Variants in NINJ2 observed in about 807,000 individuals in gnomAD.
The protein encoded by NINJ2 is ninjurin 2.
In NINJ2, 12 loss-of-function variants were observed where a neutral mutation model predicts 11.7. That is an observed-to-expected ratio of 1.02 (90% CI 0.66 to 1.66). The LOEUF is 1.66. Among genes scored for constraint, NINJ2 ranks in the 40% most tolerant of loss-of-function variants. The pLI is 0.00. For missense variants in NINJ2, 187 were observed against 181.8 expected (o/e 1.03, Z -0.16); for synonymous variants, 93 against 76.8 (o/e 1.21, Z -1.10).
chr12:600,670 G>GTT (rs1947855281), intron 1 of NINJ2, among the ~76,000 whole-genome samples: 1 of 126,552 alleles, frequency 7.9e-6, no homozygotes, highest in Non-Finnish European at 1.8e-5. Flanking sequence ...GTGTGTGTGT[G>GTT]TGTGTGTGTG....
At chr12:564,972 G>A (rs758393343) in intron 3 of NINJ2, among the ~76,000 whole-genome samples, 4 of 152,162 alleles carry the variant, frequency 2.6e-5, no homozygotes, top group East Asian at 1.9e-4. Flanking sequence ...TAATGGCATC[G>A]CCTCCACCCT....
intron 1 of NINJ2, among the ~76,000 whole-genome samples, chr12:656,698 G>A (rs377278662): frequency 6.6e-6 from 1 of 151,156 alleles, no homozygotes; most frequent in Admixed American, 6.6e-5. Flanking sequence ...GCAGTGAGCC[G>A]AGATTGCGCC....
chr12:613,054 C>T (rs1032601956), intron 1 of NINJ2, among the ~76,000 whole-genome samples: 2 of 152,124 alleles, frequency 1.3e-5, no homozygotes, highest in Non-Finnish European at 2.9e-5. Context: ...ATGTCCAAAG[C>T]GTGCAATTCA....
At position 580,576 on chromosome 12, in the gene NINJ2, G is replaced by A. The variant is rs563388046; in HGVS notation, c.34-14398C>T. 4.3e-4 allele frequency among the ~76,000 whole-genome samples: 45 copies of A among 103,818 alleles called. No individual in the cohort carries two copies. The East Asian group carries it at 0.011, about 25-fold the overall frequency. 68.1% of individuals were successfully genotyped at this position (103,818 alleles called of 152,430 possible). ...CACTCCAGCCTGCATGACAGAGAGA[G>A]ACCCTGTCTCAAAAAAAAAAAAATA... On this transcript the variant is annotated intron_variant, in intron 1 of 3. Coordinates refer to ENST00000305108, the MANE Select transcript of NINJ2 (RefSeq NM_016533.6). This position sits in a 1 kb window ranked among gnomAD's most constrained non-coding sequence, Gnocchi z 4.7.
chr12:575,876 T>C (rs1444057137), intron 1 of NINJ2, among the ~76,000 whole-genome samples: 1 of 152,166 alleles, frequency 6.6e-6, no homozygotes, highest in Non-Finnish European at 1.5e-5. Flanking sequence ...CTTTTTCCCC[T>C]AGATCCTGCC....
chr12:570,931 A>T (rs1030395927), intron 1 of NINJ2, among the ~76,000 whole-genome samples: 1 of 152,234 alleles, frequency 6.6e-6, no homozygotes, highest in Non-Finnish European at 1.5e-5. Flanking sequence ...GGCAGAGGCC[A>T]TGGACAGCAG....
intron 1 of NINJ2, among the ~76,000 whole-genome samples, chr12:592,323 C>G (rs192931235): frequency 6.6e-6 from 1 of 152,122 alleles, no homozygotes; most frequent in Non-Finnish European, 1.5e-5. Context: ...GGACCCGTCA[C>G]GGTACATTCT....
rs569702418 is a variant in NINJ2 at position 620,656 on chromosome 12, G to A, written c.33+42672C>T. On this transcript the variant is annotated intron_variant, in intron 1 of 3. Transcript: ENST00000305108. ...TTTGTTTGTTTGTTTTTGAGACAGA[G>A]TCTTACTCTGTCACCCAGGCTGGAG... 1.1e-4 allele frequency among the ~76,000 whole-genome samples: 16 copies of A among 152,086 alleles called. No homozygotes were observed. The South Asian group carries it at 3.3e-3, about 32-fold the overall frequency.
At chr12:611,227 T>TTC (rs1555165020) in intron 1 of NINJ2, among the ~76,000 whole-genome samples, 3 of 143,946 alleles carry the variant, frequency 2.1e-5, no homozygotes, top group East Asian at 2.0e-4. Flanking sequence ...CTTTCTTTCT[T>TTC]TTTCTTTCTT....
intron 1 of NINJ2, chr12:610,338 A>G (rs1247654776): frequency 6.5e-7 from 1 of 1,535,190 alleles, no homozygotes; most frequent in Non-Finnish European, 8.7e-7. Context: ...GGCCAGAGGC[A>G]CACTTACCAT....
At chr12:592,716 A>G (rs1947733522) in intron 1 of NINJ2, among the ~76,000 whole-genome samples, 1 of 152,218 alleles carries the variant, frequency 6.6e-6, no homozygotes, top group African/African-American at 2.4e-5. Flanking sequence ...TTAAAAAAAA[A>G]TCAATTACAA....
At chr12:599,729 C>G (rs978873869) in intron 1 of NINJ2, among the ~76,000 whole-genome samples, 2 of 152,198 alleles carry the variant, frequency 1.3e-5, no homozygotes, top group Admixed American at 6.5e-5. Context: ...TCTGGAAGTG[C>G]GGAGGCCCTC....
intron 1 of NINJ2, among the ~76,000 whole-genome samples, chr12:623,799 T>C (rs1948181939): frequency 6.6e-6 from 1 of 152,200 alleles, no homozygotes; most frequent in Admixed American, 6.5e-5. Flanking sequence ...TCTGGGAGGC[T>C]GAGGCAGAAG....
intron 1 of NINJ2, among the ~76,000 whole-genome samples, chr12:651,363 T>C (rs1937783030): frequency 6.6e-6 from 1 of 152,212 alleles, no homozygotes; most frequent in African/African-American, 2.4e-5. Flanking sequence ...CAGCGCACTC[T>C]AGCTGTCCTG....
rs1431756523 is a variant in NINJ2 at position 591,276 on chromosome 12, A to G, written c.34-25098T>C. On this transcript the variant is annotated intron_variant, in intron 1 of 3. Transcript: ENST00000305108. The surrounding 1 kb of genome is among the most constrained non-coding windows in gnomAD (Gnocchi z 5.0). ...GCAGGGTGTTGGGGCCCCAGTCCTT[A>G]GCAGGGTTCAAGCAGCGGGTGCCAT... is the stretch of plus-strand genomic sequence containing the variant. The G allele has an allele frequency of 2.0e-5, 3 of 152,262 alleles. No individual in the cohort carries two copies. The highest frequency in any genetic ancestry group is 4.4e-5 in the Non-Finnish European group (3 of 68,110). The allele number at this position is 152,262 out of a possible 1,614,324, so 9.4% of individuals were successfully genotyped here. A position where few individuals can be genotyped will look rare whatever the true frequency, so the allele number is the denominator to read the frequency against.
In NINJ2 at chr12:660,574, C is replaced by T. The variant is rs140278401; in HGVS notation, c.33+2754G>A. On this transcript the variant is annotated intron_variant, in intron 1 of 3. Transcript: ENST00000305108. ...CAGGATGGTCTGCAACCCCTGACCT[C>T]GTGATCCGCCCACCTCAGACTCCCA... 4.1e-3 allele frequency among the ~76,000 whole-genome samples: 618 copies of T among 151,978 alleles called. 28 individuals carry two copies. The East Asian group carries it at 0.1, about 25-fold the overall frequency.
intron 1 of NINJ2, 61 bp from the exon 2 acceptor site, chr12:566,239 T>C: frequency 7.2e-7 from 1 of 1,396,302 alleles, no homozygotes; most frequent in Non-Finnish European, 1.0e-6. Flanking sequence ...AGTTGAGAGG[T>C]GGGAGAGAGG....
chr12:608,536 T>C (rs1246721266), intron 1 of NINJ2, among the ~76,000 whole-genome samples: 3 of 152,186 alleles, frequency 2.0e-5, no homozygotes, highest in African/African-American at 7.2e-5. Context: ...ATTACACAAC[T>C]AGCAAATGGC....
At chr12:619,060 G>A (rs1948124461) in intron 1 of NINJ2, among the ~76,000 whole-genome samples, 1 of 152,220 alleles carries the variant, frequency 6.6e-6, no homozygotes, top group Non-Finnish European at 1.5e-5. Context: ...CGTGCCTTGT[G>A]GAGAAATAGT....
Sources: allele counts gnomAD v4.1 joint callset (sites outside exome capture counted in the v4.1 genomes callset), GRCh38; gene constraint gnomAD v4.1.1; non-coding constraint Gnocchi (gnomAD v3.1); transcripts MANE v1.5; gene names NCBI Gene and HGNC (gene_info 2026-07-23, HGNC 2026-07-21).